SUPT3H: variants seen among roughly 807,000 people sequenced by gnomAD.
SUPT3H encodes transcription initiation protein SPT3 homolog.
SUPT3H carries 44 observed loss-of-function variants against 44.3 expected under a neutral mutation model. The ratio of observed to expected loss-of-function variants is 0.99; its 90% CI spans 0.78 to 1.28. The LOEUF (loss-of-function observed/expected upper bound fraction) is 1.28, where lower values mean the gene tolerates loss of function less well. Among genes scored for constraint, SUPT3H ranks in the 50% most tolerant of loss-of-function variants. The probability of loss-of-function intolerance (pLI) is 0.00; values close to 1 mark genes in which losing one functional copy is unlikely to be tolerated. For synonymous variants in SUPT3H, 124 were observed against 125.6 expected (o/e 0.99, Z 0.09); for missense variants, 380 against 387.1 (o/e 0.98, Z 0.15).
At position 45,173,162 on chromosome 6, in the gene SUPT3H, T is replaced by C. The variant is rs148237608; in HGVS notation, c.102-67156A>G. Among the ~76,000 whole-genome samples the C allele has an allele frequency of 2.3e-3, 354 of 152,310 alleles. 1 individual carries two copies. Among genetic ancestry groups the C allele is most frequent in the African/African-American group, 7.8e-3 (323 of 41,558 alleles). Reference sequence around the variant, plus strand: ...TCTTAAAAAAAACACTGTTTTAATATCTATCACCAAAATAAGAATGTTAAT... The same window carrying C: ...TCTTAAAAAAAACACTGTTTTAATACCTATCACCAAAATAAGAATGTTAAT... On this transcript the variant is annotated intron_variant, in intron 2 of 10. Transcript: ENST00000371459.
intron 2 of SUPT3H, among the ~76,000 whole-genome samples, chr6:45,108,437 T>C (rs900300386): frequency 6.6e-6 from 1 of 152,230 alleles, no homozygotes; most frequent in African/African-American, 2.4e-5. Context: ...TGCATGTATC[T>C]TATATGTATG....
intron 2 of SUPT3H, among the ~76,000 whole-genome samples, chr6:45,214,134 C>T (rs555768832): frequency 2.7e-5 from 4 of 149,406 alleles, no homozygotes; most frequent in South Asian, 4.2e-4. Flanking sequence ...CAGTATCAAA[C>T]GATTCAGTGA....
intron 10 of SUPT3H, among the ~76,000 whole-genome samples, chr6:44,895,203 A>G (rs377064030): frequency 6.6e-6 from 1 of 151,552 alleles, no homozygotes. Context: ...GTCTTAATCT[A>G]TAACTATATG....
chr6:45,106,782 C>G (rs2153571772), intron 2 of SUPT3H, among the ~76,000 whole-genome samples: 1 of 152,298 alleles, frequency 6.6e-6, no homozygotes, highest in East Asian at 1.9e-4. Flanking sequence ...GTGATCCACC[C>G]ACCTTGGCCT....
rs1767971197 is a variant in SUPT3H, at chr6:44,828,118, T to G, written c.*1698A>C. ...AATTTTGATGTGAAAAATTATCCCC[T>G]GAAAATTTTATACCATCTATAAGCC... On this transcript the variant is annotated 3_prime_UTR_variant, in exon 11 of 11. Transcript: ENST00000371459. Among the ~76,000 whole-genome samples, 1 of 152,114 alleles carries G rather than the reference T, an allele frequency of 6.6e-6. No homozygotes were observed. Among genetic ancestry groups the G allele is most frequent in the Non-Finnish European group, 1.5e-5 (1 of 67,972 alleles).
chr6:44,978,003 T>G (rs1386314117), intron 6 of SUPT3H, among the ~76,000 whole-genome samples: 1 of 152,154 alleles, frequency 6.6e-6, no homozygotes, highest in Non-Finnish European at 1.5e-5. Flanking sequence ...TGTCATGGAA[T>G]TATCATAGTG....
intron 2 of SUPT3H, among the ~76,000 whole-genome samples, chr6:45,152,497 T>G (rs895522566): frequency 1.3e-5 from 2 of 152,122 alleles, no homozygotes; most frequent in Non-Finnish European, 2.9e-5. Context: ...GGAATCCTTT[T>G]ATTTTTATTT....
intron 2 of SUPT3H, among the ~76,000 whole-genome samples, chr6:45,339,807 CTAACA>C (rs1278247324): frequency 6.6e-6 from 1 of 152,042 alleles, no homozygotes; most frequent in Non-Finnish European, 1.5e-5. Flanking sequence ...ATCAATGTAA[CTAACA>C]TAGTCTATAA....
chr6:45,085,378 T>G (rs937789197), intron 3 of SUPT3H, among the ~76,000 whole-genome samples: 2 of 152,136 alleles, frequency 1.3e-5, no homozygotes, highest in African/African-American at 4.8e-5. Flanking sequence ...AAATGATAAT[T>G]TTCAACCCAT....
chr6:45,194,821 A>T (rs1815743967), intron 2 of SUPT3H, among the ~76,000 whole-genome samples: 1 of 152,104 alleles, frequency 6.6e-6, no homozygotes, highest in African/African-American at 2.4e-5. Flanking sequence ...ACCCAATCTC[A>T]TCCTAAGTAG....
chr6:45,101,770 AATT>A (rs1267232581), intron 3 of SUPT3H, among the ~76,000 whole-genome samples: 3 of 152,186 alleles, frequency 2.0e-5, no homozygotes, highest in Non-Finnish European at 2.9e-5. Context: ...AAATATGTAC[AATT>A]ATTATGTGTC....
chr6:45,058,111 G>A (rs1468774791), intron 3 of SUPT3H, among the ~76,000 whole-genome samples: 1 of 152,014 alleles, frequency 6.6e-6, no homozygotes, highest in Non-Finnish European at 1.5e-5. Context: ...TGCATTAGTG[G>A]ATTATTTTGA....
At chr6:45,079,436 G>A (rs1795480479) in intron 3 of SUPT3H, among the ~76,000 whole-genome samples, 1 of 149,496 alleles carries the variant, frequency 6.7e-6, no homozygotes, top group Admixed American at 6.7e-5. Flanking sequence ...GGGAAGAGGA[G>A]GAAGAAGAAG....
At chr6:45,368,046 T>C (rs1457681951) in intron 1 of SUPT3H, among the ~76,000 whole-genome samples, 1 of 152,052 alleles carries the variant, frequency 6.6e-6, no homozygotes, top group Admixed American at 6.6e-5. Context: ...AAAAGAAAAG[T>C]CTGTTAAAAG....
intron 2 of SUPT3H, among the ~76,000 whole-genome samples, chr6:45,124,030 G>A (rs572049159): frequency 1.2e-3 from 177 of 152,262 alleles, no homozygotes; most frequent in Non-Finnish European, 1.8e-3. Context: ...GCCACAGTTT[G>A]CCAATCCCTG....
chr6:45,316,367 G>T (rs1360421455), intron 2 of SUPT3H, among the ~76,000 whole-genome samples: 1 of 151,532 alleles, frequency 6.6e-6, no homozygotes, highest in African/African-American at 2.4e-5. Flanking sequence ...TGAATCAGGG[G>T]GATGTCTATG....
intron 3 of SUPT3H, chr6:45,097,742 AATAT>A (rs1263096132): frequency 6.6e-6 from 1 of 152,220 alleles, no homozygotes; most frequent in Non-Finnish European, 1.5e-5. Context: ...TAATGATAAA[AATAT>A]ATATACTGTG....
chr6:45,022,094 A>G (rs553412287), intron 3 of SUPT3H, among the ~76,000 whole-genome samples: 111 of 152,190 alleles, frequency 7.3e-4, no homozygotes, highest in African/African-American at 2.6e-3. Context: ...ACAGGCAATC[A>G]GTGTTGAGAA....
chr6:44,926,927 C>T (rs1267611119), intron 10 of SUPT3H, among the ~76,000 whole-genome samples: 1 of 152,090 alleles, frequency 6.6e-6, no homozygotes, highest in Non-Finnish European at 1.5e-5. Context: ...TGAAGTCATT[C>T]ATGTTTTCTA....
Sources: gnomAD v4.1 joint callset for allele counts (sites outside exome capture counted in the v4.1 genomes callset) on GRCh38, gnomAD v4.1.1 for gene constraint, MANE v1.5 for transcripts, NCBI Gene and HGNC (gene_info 2026-07-23, HGNC 2026-07-21) for gene names.